Variants in RSPRY1 observed in about 807,000 individuals in gnomAD.
RSPRY1 encodes ring finger and SPRY domain containing 1, also known as RING finger and SPRY domain-containing protein 1.
In RSPRY1, 23 loss-of-function variants were observed where a neutral mutation model predicts 73.1. That is an observed-to-expected ratio of 0.31 (90% CI 0.23 to 0.45). The LOEUF (loss-of-function observed/expected upper bound fraction) is 0.45. Among genes scored for constraint, RSPRY1 ranks in the 20% least tolerant of loss-of-function variants. RSPRY1 has a pLI of 1.00. For missense variants in RSPRY1, 448 were observed against 698.7 expected (o/e 0.64, Z 4.05); for synonymous variants, 226 against 251.4 (o/e 0.90, Z 0.95).
chr16:57,198,299 G>T lies in RSPRY1; in HGVS notation c.-155-6205G>T, dbSNP rs966180075. Among the ~76,000 whole-genome samples the T allele has an allele frequency of 3.9e-5, 6 of 151,906 alleles. No individual in the cohort carries two copies. In the East Asian group the frequency reaches 1.2e-3, roughly 29 times the overall value. ...CTCGGGAGGCTGAGGCAGGAGAATGGCATGAACCTGGGAGGCGGAGCTTGC... is the reference window on the plus strand; with the variant it reads ...CTCGGGAGGCTGAGGCAGGAGAATGTCATGAACCTGGGAGGCGGAGCTTGC... On this transcript the variant is annotated intron_variant, in intron 1 of 14. Transcript: ENST00000394420.
intron 14 of RSPRY1, among the ~76,000 whole-genome samples, chr16:57,235,791 C>T (rs1336490102): frequency 6.6e-6 from 1 of 152,212 alleles, no homozygotes; most frequent in Non-Finnish European, 1.5e-5. Context: ...AAGCCAGCTA[C>T]CTGTAATTCA....
intron 10 of RSPRY1, chr16:57,224,603 T>G (rs1344008164): frequency 6.6e-6 from 1 of 152,290 alleles, no homozygotes; most frequent in African/African-American, 2.4e-5. Flanking sequence ...TTAATCCTGC[T>G]GGGAACATTT....
chr16:57,218,363 A>G (rs1031183571), intron 8 of RSPRY1, among the ~76,000 whole-genome samples: 1 of 152,094 alleles, frequency 6.6e-6, no homozygotes, highest in African/African-American at 2.4e-5. Context: ...CTTTTCTTTT[A>G]GTTATTTTTA....
At chr16:57,235,930 ACT>A (rs1326923325) in intron 14 of RSPRY1, among the ~76,000 whole-genome samples, 1 of 152,020 alleles carries the variant, frequency 6.6e-6, no homozygotes, top group Non-Finnish European at 1.5e-5. Context: ...TGGGCCCCTG[ACT>A]CTGCCTCTCT....
chr16:57,191,999 CATTGGATATATAGTT>C (rs1226339001), intron 1 of RSPRY1, among the ~76,000 whole-genome samples: 1 of 152,152 alleles, frequency 6.6e-6, no homozygotes, highest in Non-Finnish European at 1.5e-5. Context: ...GCCATATAAG[CATTGGATATATAGTT>C]ATTGAATGGT....
intron 13 of RSPRY1, 106 bp downstream of exon 13, chr16:57,231,425 C>T: frequency 5.2e-6 from 6 of 1,164,138 alleles, no homozygotes; most frequent in Non-Finnish European, 1.2e-6. Flanking sequence ...ATTTTGAAAA[C>T]CTGAGTAAAA....
chr16:57,204,442 AT>A, intron 1 of RSPRY1, 61 bp from the exon 2 acceptor site: 1 of 507,404 alleles, frequency 2.0e-6, no homozygotes, highest in Non-Finnish European at 3.5e-6. Context: ...GACTAGGAAA[AT>A]TTGAGTAATT....
intron 4 of RSPRY1, among the ~76,000 whole-genome samples, chr16:57,212,318 A>G (rs2074859024): frequency 6.6e-6 from 1 of 152,204 alleles, no homozygotes; most frequent in Admixed American, 6.5e-5. Flanking sequence ...AGAAAAGAAG[A>G]AAACTCTGCT....
intron 4 of RSPRY1, among the ~76,000 whole-genome samples, chr16:57,210,773 T>A (rs2074827129): frequency 6.6e-6 from 1 of 151,688 alleles, no homozygotes; most frequent in African/African-American, 2.4e-5. Flanking sequence ...ATCTCAACAC[T>A]TTGGGAGGCC....
At position 57,208,119 on chromosome 16, in the gene RSPRY1, A is replaced by C; in HGVS notation, c.403+9A>C. The C allele has an allele frequency of 6.5e-7, 1 of 1,536,054 alleles. No homozygotes were observed. Among genetic ancestry groups the C allele is most frequent in the Non-Finnish European group, 8.9e-7 (1 of 1,121,018 alleles). Reference sequence around the variant, plus strand: ...CGAAATGGCAGAAACAGGTATTTTTAGTTTTGTTTTCATTACTTTATAATG... The same window carrying C: ...CGAAATGGCAGAAACAGGTATTTTTCGTTTTGTTTTCATTACTTTATAATG... On this transcript the variant is annotated intron_variant, in intron 3 of 14. Transcript: ENST00000394420.
At chr16:57,187,774 A>C (rs2074266191) in intron 1 of RSPRY1, among the ~76,000 whole-genome samples, 1 of 152,206 alleles carries the variant, frequency 6.6e-6, no homozygotes, top group East Asian at 1.9e-4. Context: ...TTCTTAGGTC[A>C]TATTAAGATC....
chr16:57,198,884 G>A (rs1434954910), intron 1 of RSPRY1, among the ~76,000 whole-genome samples: 2 of 152,206 alleles, frequency 1.3e-5, no homozygotes, highest in African/African-American at 4.8e-5. Flanking sequence ...TGACACCACA[G>A]ATCATAGTCC....
chr16:57,217,141 T>C, intron 8 of RSPRY1, 106 bp downstream of exon 8: 1 of 1,240,048 alleles, frequency 8.1e-7, no homozygotes, highest in African/African-American at 1.5e-5. Flanking sequence ...TGAGTCCTCA[T>C]AAGGACCTCT....
At chr16:57,197,819 G>A (rs2074479005) in intron 1 of RSPRY1, among the ~76,000 whole-genome samples, 1 of 152,062 alleles carries the variant, frequency 6.6e-6, no homozygotes, top group African/African-American at 2.4e-5. Context: ...GACCTCCCAG[G>A]CTCAAGTGAT....
chr16:57,224,034 A>C (rs1314668433), intron 10 of RSPRY1, among the ~76,000 whole-genome samples: 2 of 152,166 alleles, frequency 1.3e-5, no homozygotes, highest in African/African-American at 4.8e-5. Context: ...CGAGAAAATG[A>C]CTCTGGCTAT....
At chr16:57,205,226 T>C in intron 2 of RSPRY1, 1 of 541,146 alleles carries the variant, frequency 1.8e-6, no homozygotes, top group Non-Finnish European at 3.3e-6. Flanking sequence ...TGTCTAAATG[T>C]TTCTGTAGCA....
At chr16:57,235,527 T>C (rs1337215458) in intron 14 of RSPRY1, among the ~76,000 whole-genome samples, 1 of 152,228 alleles carries the variant, frequency 6.6e-6, no homozygotes, top group African/African-American at 2.4e-5. Context: ...CATTTACTTC[T>C]TATTTACAGT....
chr16:57,216,069 A>ATTTTTTTTTTTTTTTTTTTT, intron 6 of RSPRY1, 38 bp from the exon 7 acceptor site: 2 of 1,200,108 alleles, frequency 1.7e-6, no homozygotes, highest in Non-Finnish European at 2.3e-6. Context: ...CAGGGGAATG[A>ATTTTTTTTTTTTTTTTTTTT]TTTTTTTTTT....
At chr16:57,201,951 A>G (rs2074622673) in intron 1 of RSPRY1, among the ~76,000 whole-genome samples, 1 of 151,782 alleles carries the variant, frequency 6.6e-6, no homozygotes, top group African/African-American at 2.4e-5. Context: ...AGACCGTGGA[A>G]AGAGAGAGAG....
Sources: gnomAD v4.1 joint callset for allele counts (sites outside exome capture counted in the v4.1 genomes callset) on GRCh38, gnomAD v4.1.1 for gene constraint, MANE v1.5 for transcripts, NCBI Gene and HGNC (gene_info 2026-07-23, HGNC 2026-07-21) for gene names.